Variants in FAM227A observed in about 807,000 individuals in gnomAD.
The protein encoded by FAM227A is protein FAM227A.
In FAM227A, 80 loss-of-function variants were observed where a neutral mutation model predicts 74.7. That is an observed-to-expected ratio of 1.07 (90% confidence interval 0.89 to 1.29). The LOEUF (loss-of-function observed/expected upper bound fraction) is 1.29. Ranked by LOEUF, FAM227A falls within the 50% of genes most tolerant of loss-of-function variation. The pLI, the probability that FAM227A is intolerant of heterozygous loss-of-function variation, is 0.00. For missense variants in FAM227A, 654 were observed against 683.4 expected, an observed-to-expected ratio of 0.96 and a Z score of 0.48; for synonymous variants, 237 against 241.8, an observed-to-expected ratio of 0.98 and a Z score of 0.19.
intron 15 of FAM227A, among the ~76,000 whole-genome samples, chr22:38,592,923 T>A (rs1363076610): frequency 1.3e-5 from 2 of 152,198 alleles, no homozygotes; most frequent in Non-Finnish European, 2.9e-5. Context: ...CGACTGAGGA[T>A]CAGTGAGGTG....
intron 15 of FAM227A, among the ~76,000 whole-genome samples, chr22:38,593,701 T>C (rs1043885517): frequency 6.6e-6 from 1 of 152,070 alleles, no homozygotes; most frequent in Non-Finnish European, 1.5e-5. Flanking sequence ...TGTTTATTTA[T>C]TTATTTAGAG....
intron 2 of FAM227A, 147 bp downstream of exon 2, chr22:38,649,875 AAAAAG>A (rs1374635099): frequency 1.1e-5 from 8 of 726,910 alleles, no homozygotes; most frequent in East Asian, 3.0e-5. Flanking sequence ...CTCAAAAAAA[AAAAAG>A]AAAGAAAAGA....
intron 13 of FAM227A, among the ~76,000 whole-genome samples, chr22:38,600,998 A>G (rs1327566320): frequency 6.6e-6 from 1 of 152,054 alleles, no homozygotes; most frequent in Non-Finnish European, 1.5e-5. Context: ...GATAGATGAG[A>G]GACTGGAAGG....
At chr22:38,588,475 C>T (rs72656933) in intron 16 of FAM227A, among the ~76,000 whole-genome samples, 11,665 of 149,642 alleles carry the variant, frequency 0.078, 612 homozygotes, top group Non-Finnish European at 0.11. Flanking sequence ...AAAAATTAGC[C>T]GGGCGTGGTG....
chr22:38,639,767 A>T, intron 3 of FAM227A, 43 bp from the exon 4 acceptor site: 1 of 1,315,172 alleles, frequency 7.6e-7, no homozygotes. Flanking sequence ...GATTAATGCA[A>T]ATCCTGGAGA....
chr22:38,651,413 G>A (rs2092319837), intron 1 of FAM227A, among the ~76,000 whole-genome samples: 2 of 152,172 alleles, frequency 1.3e-5, no homozygotes, highest in East Asian at 1.9e-4. Context: ...TTGCTCTGTC[G>A]TCCAGACTGG....
intron 8 of FAM227A, among the ~76,000 whole-genome samples, chr22:38,626,913 T>TATATACAC (rs34078214): frequency 1.8e-4 from 16 of 89,830 alleles, no homozygotes; most frequent in East Asian, 3.8e-4. Flanking sequence ...TATATATATA[T>TATATACAC]ACACGTATAT....
In FAM227A at chr22:38,644,507, A is replaced by G. The variant is rs6001178; in HGVS notation, c.225+1056T>C. On this transcript the variant is annotated intron_variant, in intron 3 of 16. Coordinates refer to ENST00000535113, the MANE Select transcript of FAM227A (RefSeq NM_001013647.2). ...CATTAAAGAGGTGAACAGGTGGAGCACAGAGGACTGTTGGGACAGCGAAAC... is the reference window on the plus strand; with the variant it reads ...CATTAAAGAGGTGAACAGGTGGAGCGCAGAGGACTGTTGGGACAGCGAAAC... 1.6e-3 allele frequency among the ~76,000 whole-genome samples: 118 copies of G among 73,564 alleles called. 4 individuals are homozygous for G. Among genetic ancestry groups the G allele is most frequent in the East Asian group, 4.0e-3 (8 of 2,002 alleles). The allele number at this position is 73,564 out of a possible 152,430, so 48.3% of individuals were successfully genotyped here. A position where few individuals can be genotyped will look rare whatever the true frequency, so the allele number is the denominator to read the frequency against.
intron 16 of FAM227A, among the ~76,000 whole-genome samples, chr22:38,589,880 T>C (rs1356314736): frequency 1.3e-5 from 2 of 152,126 alleles, no homozygotes; most frequent in Non-Finnish European, 2.9e-5. Flanking sequence ...GCGAGAGGAC[T>C]GCTTCAGCTC....
At chr22:38,623,045 A>T in intron 10 of FAM227A, 127 bp downstream of exon 10, 1 of 645,712 alleles carries the variant, frequency 1.5e-6, no homozygotes, top group South Asian at 1.9e-5. Context: ...TTTGGTGGCT[A>T]ATTTGGGGGT....
intron 11 of FAM227A, chr22:38,618,268 C>G (rs1178339270): frequency 6.6e-6 from 1 of 152,186 alleles, no homozygotes; most frequent in Non-Finnish European, 1.5e-5. Flanking sequence ...TGAAGGTGTC[C>G]CCACTTCCCA....
At position 38,585,791 on chromosome 22, in the gene FAM227A, TAAA is replaced by T; in HGVS notation, c.*331_*333del. 4.8e-6 allele frequency: 2 copies of T among 419,504 alleles called. No homozygotes were observed. Among genetic ancestry groups the T allele is most frequent in the Admixed American group, 3.8e-5 (1 of 26,432 alleles). The allele number at this position is 419,504 out of a possible 1,614,324, so 26.0% of individuals were successfully genotyped here. A position where few individuals can be genotyped will look rare whatever the true frequency, so the allele number is the denominator to read the frequency against. On this transcript the variant is annotated 3_prime_UTR_variant, in exon 17 of 17. Transcript: ENST00000535113. ...TTCTAAACCTGGGCTTGCTGCTGCGTAAAATGCAGTGGATAATCCCTACTTCAT... is the reference window on the plus strand; with the variant it reads ...TTCTAAACCTGGGCTTGCTGCTGCGTATGCAGTGGATAATCCCTACTTCAT...
Position 38,599,892 on chromosome 22 carries a change from C to T in FAM227A, c.1251G>A (p.Leu417=), listed in dbSNP as rs758797202. The change falls in exon 14 of 17, where the codon CTG becomes CTA. Residue 417 remains leucine (L), a synonymous_variant. Transcript: ENST00000535113. ...KSCAACKSPE[L]TSNLFNIYGK... ...CATAAATGTTGAAGAGGTTTGAAGT[C>T]AGCTCAGGGCTTTTGCAGGCAGCAC... 5 of 1,549,756 alleles carry T rather than the reference C, an allele frequency of 3.2e-6. No individual in the cohort carries two copies. In the South Asian group the frequency reaches 6.0e-5, roughly 19 times the overall value.
Position 38,582,282 on chromosome 22 carries a change from A to G in FAM227A, c.*3843T>C. ...GGAAACTGTATGTTCTAAAACATAC[A>G]TTTCATCATCAATTCATAAGCAATT... On this transcript the variant is annotated 3_prime_UTR_variant, in exon 17 of 17. Transcript: ENST00000535113. 1.4e-6 allele frequency: 2 copies of G among 1,472,866 alleles called. No individual in the cohort carries two copies. The highest frequency in any genetic ancestry group is 1.9e-6 in the Non-Finnish European group (2 of 1,080,584). The allele number at this position is 1,472,866 out of a possible 1,614,324, so 91.2% of individuals were successfully genotyped here. A position where few individuals can be genotyped will look rare whatever the true frequency, so the allele number is the denominator to read the frequency against.
chr22:38,610,128 G>A (rs1465258224), intron 11 of FAM227A, among the ~76,000 whole-genome samples: 1 of 152,050 alleles, frequency 6.6e-6, no homozygotes, highest in African/African-American at 2.4e-5. Flanking sequence ...AGGCTGGAGT[G>A]CAGTGGTGCA....
At chr22:38,609,140 T>C (rs1005171859) in intron 11 of FAM227A, among the ~76,000 whole-genome samples, 1 of 152,106 alleles carries the variant, frequency 6.6e-6, no homozygotes, top group South Asian at 2.1e-4. Flanking sequence ...GCTCCTGCCA[T>C]CATATTCGCA....
At chr22:38,633,029 T>TG (rs1287416703) in intron 6 of FAM227A, among the ~76,000 whole-genome samples, 1 of 151,940 alleles carries the variant, frequency 6.6e-6, no homozygotes, top group Non-Finnish European at 1.5e-5. Context: ...TGGGGCAAGG[T>TG]GGGAAAGGCT....
chr22:38,628,892 G>GA lies in FAM227A; in HGVS notation c.562dup (p.Ser188PhefsTer10). ...ATCCAGCCAGATGGCTCTTGGAGAAGAAGAAGAGAGAAACTTCTCTAATTC... is the reference window on the plus strand; with the variant it reads ...ATCCAGCCAGATGGCTCTTGGAGAAGAAAGAAGAGAGAAACTTCTCTAATTC... On this transcript the variant is annotated frameshift_variant, in exon 7 of 17. Transcript: ENST00000535113. LOFTEE classifies it high-confidence loss of function. The GA allele has an allele frequency of 1.3e-6, 2 of 1,545,506 alleles. No individual in the cohort carries two copies. Among genetic ancestry groups the GA allele is most frequent in the Non-Finnish European group, 1.7e-6 (2 of 1,143,870 alleles).
At chr22:38,593,452 C>T (rs2090981289) in intron 15 of FAM227A, among the ~76,000 whole-genome samples, 1 of 152,172 alleles carries the variant, frequency 6.6e-6, no homozygotes, top group Admixed American at 6.5e-5. Context: ...TTGCAGTGAG[C>T]CGAGACTGCG....
Sources: allele counts gnomAD v4.1 joint callset (sites outside exome capture counted in the v4.1 genomes callset), GRCh38; gene constraint gnomAD v4.1.1; transcripts MANE v1.5; gene names NCBI Gene and HGNC (gene_info 2026-07-23, HGNC 2026-07-21).